Variants in QSOX2 observed in about 807,000 individuals in gnomAD.
QSOX2 encodes the protein sulfhydryl oxidase 2.
A neutral mutation model predicts 61.7 loss-of-function variants in QSOX2; 46 were observed. That is an observed-to-expected ratio of 0.75 (90% CI 0.59 to 0.95). The LOEUF is 0.95. Ranked by LOEUF, QSOX2 falls within the 40% of genes least tolerant of loss-of-function variation. The pLI, the probability that QSOX2 is intolerant of heterozygous loss-of-function variation, is 0.00. For missense variants in QSOX2, 879 were observed against 918.9 expected, an observed-to-expected ratio of 0.96 and a Z score of 0.56; for synonymous variants, 383 against 388.4, an observed-to-expected ratio of 0.99 and a Z score of 0.16.
Position 136,209,600 on chromosome 9 carries a change from C to G in QSOX2, c.1550-325G>C. The G allele has an allele frequency of 1.0e-6, 1 of 985,380 alleles. No homozygotes were observed. The allele number at this position is 985,380 out of a possible 1,614,324, so 61.0% of individuals were successfully genotyped here. A position where few individuals can be genotyped will look rare whatever the true frequency, so the allele number is the denominator to read the frequency against. On this transcript the variant is annotated intron_variant, in intron 11 of 11. Coordinates refer to ENST00000358701, the MANE Select transcript of QSOX2 (RefSeq NM_181701.4). This position sits in a 1 kb window ranked among gnomAD's most constrained non-coding sequence, Gnocchi z 5.6. ...ACCACCCAGCACTCCACTTCCAAAA[C>G]GGAGCATGCAGCTCTCACCTGGAGG...
chr9:136,211,151 C>G, intron 11 of QSOX2, 113 bp downstream of exon 11: 2 of 1,176,108 alleles, frequency 1.7e-6, no homozygotes, highest in Non-Finnish European at 1.2e-6. Context: ...GTGGGTGGCA[C>G]GAGGCCGCAA....
At chr9:136,241,172 C>T (rs1260913802) in intron 1 of QSOX2, among the ~76,000 whole-genome samples, 1 of 152,130 alleles carries the variant, frequency 6.6e-6, no homozygotes, top group Non-Finnish European at 1.5e-5. Flanking sequence ...CTCATGTGGT[C>T]GCCACAGCGG....
rs1408983125 is a variant in QSOX2 at position 136,218,708 on chromosome 9, G to C, written c.1057C>G (p.Leu353Val). Residue 353 changes from leucine to valine, a missense_variant, in exon 8 of 12, where the codon CTC (leucine) becomes GTC (valine). Transcript: ENST00000358701. ...GCCAAGACAGTCACAAAGTCCTTGA[G>C]CGTCTTCAGCTCTGCTCCGGCCAGG... ...KSLAGAELKT[L>V]KDFVTVLAKL... 6.2e-7 allele frequency: 1 copy of C among 1,613,852 alleles called. No homozygotes were observed. Among genetic ancestry groups the C allele is most frequent in the East Asian group, 2.2e-5 (1 of 44,886 alleles).
rs868207360 is a variant in QSOX2 at position 136,223,138 on chromosome 9, C to T, written c.675+625G>A. ...CCCTCACAGTGGACAGAAAAACAGT[C>T]GCCTATCAAGTTGCAAGGAGGAGGA... On this transcript the variant is annotated intron_variant, in intron 5 of 11. Coordinates refer to ENST00000358701, the MANE Select transcript of QSOX2 (RefSeq NM_181701.4). This position sits in a 1 kb window ranked among gnomAD's most constrained non-coding sequence, Gnocchi z 4.4. Among the ~76,000 whole-genome samples the T allele has an allele frequency of 6.6e-5, 10 of 152,202 alleles. No homozygotes were observed. The highest frequency in any genetic ancestry group is 2.4e-4 in the African/African-American group (10 of 41,450).
chr9:136,207,227 A>G lies in QSOX2; in HGVS notation c.*1501T>C, dbSNP rs3780190. On this transcript the variant is annotated 3_prime_UTR_variant, in exon 12 of 12. Coordinates refer to ENST00000358701, the MANE Select transcript of QSOX2 (RefSeq NM_181701.4). Reference sequence around the variant, plus strand: ...AGCTGTTGCCTTTTTTTCTCAAGCGACAACAATCACATCAATATTACATGG... The same window carrying G: ...AGCTGTTGCCTTTTTTTCTCAAGCGGCAACAATCACATCAATATTACATGG... 75,655 of 152,096 alleles carry G rather than the reference A, an allele frequency of 0.5. 19,066 individuals carry two copies. The highest frequency in any genetic ancestry group is 0.54 in the Middle Eastern group (159 of 292). The allele number at this position is 152,096 out of a possible 1,614,324, so 9.4% of individuals were successfully genotyped here. A position where few individuals can be genotyped will look rare whatever the true frequency, so the allele number is the denominator to read the frequency against.
At chr9:136,244,742 A>T (rs996074094) in intron 1 of QSOX2, among the ~76,000 whole-genome samples, 1 of 152,220 alleles carries the variant, frequency 6.6e-6, no homozygotes, top group Non-Finnish European at 1.5e-5. Flanking sequence ...TGAAAGCACT[A>T]AACAATAAAG....
At chr9:136,219,314 C>T (rs912509880) in intron 6 of QSOX2, 150 bp from the exon 7 acceptor site, 37 of 924,850 alleles carry the variant, frequency 4.0e-5, no homozygotes, top group Admixed American at 9.0e-5. Flanking sequence ...GCTGACACCC[C>T]GCCTGGGCTC....
intron 2 of QSOX2, among the ~76,000 whole-genome samples, chr9:136,225,311 T>G (rs539097353): frequency 1.2e-4 from 19 of 152,340 alleles, no homozygotes; most frequent in African/African-American, 4.3e-4. Context: ...GCAGTATCTC[T>G]GAGTGGATGA....
At chr9:136,226,375 T>G (rs1228908500) in intron 2 of QSOX2, among the ~76,000 whole-genome samples, 1 of 152,176 alleles carries the variant, frequency 6.6e-6, no homozygotes, top group Non-Finnish European at 1.5e-5. Context: ...TGTGCGTGTG[T>G]GTGTGCATGA....
At chr9:136,224,224 G>T in intron 3 of QSOX2, 112 bp from the exon 4 acceptor site, 1 of 754,668 alleles carries the variant, frequency 1.3e-6, no homozygotes, top group Non-Finnish European at 2.2e-6. Flanking sequence ...ACAGCAGGGT[G>T]CAGGTGGCAG....
Position 136,227,809 on chromosome 9 carries a change from T to TA in QSOX2, c.329-936dup, listed in dbSNP as rs891375224. 4.8e-4 allele frequency among the ~76,000 whole-genome samples: 71 copies of TA among 148,454 alleles called. 1 individual carries two copies. The highest frequency in any genetic ancestry group is 1.3e-3 in the South Asian group (6 of 4,658). ...GGGCAACATGGTAAAACCCTGTCTCTAAAAAAAAAATACAAAAAATTAGCT... is the reference window on the plus strand; with the variant it reads ...GGGCAACATGGTAAAACCCTGTCTCTAAAAAAAAAAATACAAAAAATTAGCT... On this transcript the variant is annotated intron_variant, in intron 1 of 11. Coordinates refer to ENST00000358701, the MANE Select transcript of QSOX2 (RefSeq NM_181701.4).
intron 1 of QSOX2, among the ~76,000 whole-genome samples, chr9:136,244,534 T>G (rs1830455462): frequency 6.6e-6 from 1 of 152,236 alleles, no homozygotes; most frequent in South Asian, 2.1e-4. Context: ...TTACAGATCT[T>G]GCCCACTGAA....
intron 1 of QSOX2, among the ~76,000 whole-genome samples, chr9:136,228,916 T>C (rs952956984): frequency 1.3e-5 from 2 of 152,200 alleles, no homozygotes; most frequent in Non-Finnish European, 2.9e-5. Flanking sequence ...GAGCGAGCTA[T>C]GATCTCAAAC....
chr9:136,230,372 C>T (rs977813555), intron 1 of QSOX2, among the ~76,000 whole-genome samples: 12 of 152,206 alleles, frequency 7.9e-5, no homozygotes, highest in Non-Finnish European at 1.2e-4. Context: ...TGGCTGTCAG[C>T]CCTGCAGTAA....
At position 136,218,639 on chromosome 9, in the gene QSOX2, C is replaced by G. The variant is rs1339747483; in HGVS notation, c.1086+40G>C. 3 of 1,599,576 alleles carry G rather than the reference C, an allele frequency of 1.9e-6. No homozygotes were observed. The Admixed American group carries it at 5.1e-5, about 27-fold the overall frequency. The stretch of plus-strand genomic sequence containing the variant: ...CCCCAGGGCCCACTCTGTGCAGAGC[C>G]AAATTCCCACATGCAGCCCAGACCA... On this transcript the variant is annotated intron_variant, in intron 8 of 11. Coordinates refer to ENST00000358701, the MANE Select transcript of QSOX2 (RefSeq NM_181701.4).
intron 1 of QSOX2, among the ~76,000 whole-genome samples, chr9:136,231,151 G>A (rs547189356): frequency 1.1e-4 from 17 of 152,298 alleles, no homozygotes; most frequent in South Asian, 6.2e-4. Context: ...TCCTACAGAC[G>A]GGGAAACTGA....
chr9:136,208,303 A>AAGGTGGGG lies in QSOX2; in HGVS notation c.*424_*425insCCCCACCT, dbSNP rs1243805871. The AAGGTGGGG allele has an allele frequency of 2.1e-4, 1 of 4,836 alleles. No individual in the cohort carries two copies. The highest frequency in any genetic ancestry group is 3.6e-4 in the Non-Finnish European group (1 of 2,810). The allele number at this position is 4,836 out of a possible 1,614,324, so 0.3% of individuals were successfully genotyped here. On this transcript the variant is annotated 3_prime_UTR_variant, in exon 12 of 12. Coordinates refer to ENST00000358701, the MANE Select transcript of QSOX2 (RefSeq NM_181701.4). ...GGAGCGAGGGGAGTGGGGGGGAGCC[A>AAGGTGGGG]GGAGCCGCGGGGGGGATGGGCGAGG...
At chr9:136,213,768 T>C (rs1831877451) in intron 10 of QSOX2, among the ~76,000 whole-genome samples, 1 of 152,182 alleles carries the variant, frequency 6.6e-6, no homozygotes, top group Admixed American at 6.5e-5. Flanking sequence ...TGAGGTGGAC[T>C]CTCAGGGGGT....
At chr9:136,218,491 C>T (rs1042141991) in intron 8 of QSOX2, among the ~76,000 whole-genome samples, 188 bp downstream of exon 8, 8 of 152,258 alleles carry the variant, frequency 5.3e-5, no homozygotes, top group African/African-American at 1.7e-4. Context: ...GTGCTGGGAA[C>T]AGCAGTGGAC....
Sources: allele counts gnomAD v4.1 joint callset (sites outside exome capture counted in the v4.1 genomes callset), GRCh38; gene constraint gnomAD v4.1.1; non-coding constraint Gnocchi (gnomAD v3.1); transcripts MANE v1.5; gene names NCBI Gene and HGNC (gene_info 2026-07-23, HGNC 2026-07-21).